The following RRM2 variants were observed in gnomAD, a reference collection of about 807,000 sequenced individuals.
The protein encoded by RRM2 is ribonucleotide reductase regulatory subunit M2.
In RRM2, 6 loss-of-function variants were observed where a neutral mutation model predicts 45.9. That is an observed-to-expected ratio of 0.13 (90% CI 0.07 to 0.26). RRM2 has a LOEUF of 0.26. Among genes scored for constraint, RRM2 ranks in the 10% least tolerant of loss-of-function variants. The pLI is 1.00. For missense variants in RRM2, 343 were observed against 489.5 expected, an observed-to-expected ratio of 0.70 and a Z score of 2.82; for synonymous variants, 177 against 173.0, an observed-to-expected ratio of 1.02 and a Z score of -0.18.
downstream of RRM2, among the ~76,000 whole-genome samples, chr2:10,132,907 C>A (rs530741342): frequency 2.3e-5 from 3 of 131,754 alleles, no homozygotes; most frequent in East Asian, 6.1e-4. Flanking sequence ...AACATGTCTC[C>A]CATGCTGCCC....
chr2:10,146,863 A>G (rs1027577980), intron 3 of RRM2, among the ~76,000 whole-genome samples: 7 of 150,562 alleles, frequency 4.6e-5, no homozygotes, highest in African/African-American at 1.7e-4. Context: ...TTTCTAATCC[A>G]TTTTCACTTT....
chr2:10,149,147 G>A (rs1460362448), intron 3 of RRM2, among the ~76,000 whole-genome samples: 2 of 141,202 alleles, frequency 1.4e-5, no homozygotes, highest in Non-Finnish European at 1.5e-5. Context: ...TTTTTTTTTC[G>A]AGATGGAGTC....
upstream of RRM2, chr2:10,122,603 G>C (rs778424650): frequency 3.1e-5 from 47 of 1,506,406 alleles, no homozygotes; most frequent in African/African-American, 5.3e-4. Context: ...GCCTGGGTAG[G>C]GGCAAGGCGC....
intron 7 of RRM2, 107 bp from the exon 8 acceptor site, chr2:10,128,741 C>T: frequency 1.3e-6 from 1 of 788,764 alleles, no homozygotes; most frequent in Non-Finnish European, 2.2e-6. Context: ...CTCAGTATGG[C>T]TGAGCATGTT....
At chr2:10,168,057 T>C (rs1023792928) in intron 3 of RRM2, among the ~76,000 whole-genome samples, 1 of 143,872 alleles carries the variant, frequency 7.0e-6, no homozygotes, top group Non-Finnish European at 1.5e-5. Flanking sequence ...TTTTTTGCCT[T>C]AAGCAAAAAT....
intron 2 of RRM2, chr2:10,141,995 G>T: frequency 1.3e-6 from 2 of 1,570,358 alleles, no homozygotes; most frequent in South Asian, 1.2e-5. Flanking sequence ...AAGGAAAGCA[G>T]GGAGGAAGGG....
downstream of RRM2, among the ~76,000 whole-genome samples, chr2:10,131,798 A>G (rs1662907047): frequency 6.6e-6 from 1 of 152,204 alleles, no homozygotes; most frequent in African/African-American, 2.4e-5. Context: ...GGTTCTGGGC[A>G]AGAGACTTGC....
downstream of RRM2, among the ~76,000 whole-genome samples, chr2:10,132,972 T>C (rs1255430095): frequency 6.6e-6 from 1 of 152,172 alleles, no homozygotes; most frequent in East Asian, 1.9e-4. Flanking sequence ...TTGCCCTGGG[T>C]ACTCATTAGA....
exon 3 of RRM2, chr2:10,142,340 G>A: frequency 1.4e-6 from 2 of 1,379,980 alleles, no homozygotes; most frequent in South Asian, 1.1e-5. Context: ...TACTCGGGGT[G>A]CGCCAGTGGA....
intron 3 of RRM2, among the ~76,000 whole-genome samples, chr2:10,170,030 C>T (rs894273528): frequency 2.0e-5 from 3 of 152,126 alleles, no homozygotes; most frequent in Non-Finnish European, 2.9e-5. Context: ...CCCTGCTGTC[C>T]CTGAAGGCAG....
chr2:10,159,936 A>G (rs1663520860), intron 3 of RRM2, among the ~76,000 whole-genome samples: 1 of 152,134 alleles, frequency 6.6e-6, no homozygotes, highest in Non-Finnish European at 1.5e-5. Context: ...CCTTGAGGAC[A>G]CAGCTCTGCT....
chr2:10,206,856 A>G (rs1029348019), intron 3 of RRM2, among the ~76,000 whole-genome samples: 1 of 152,232 alleles, frequency 6.6e-6, no homozygotes, highest in Non-Finnish European at 1.5e-5. Context: ...CTGGATACAC[A>G]AAGGAAATTG....
rs551776154 is a variant in RRM2, at chr2:10,122,911, G to A, written c.99+14G>A. The A allele has an allele frequency of 2.3e-4, 365 of 1,568,062 alleles. No homozygotes were observed. Among genetic ancestry groups the A allele is most frequent in the Admixed American group, 3.9e-4 (21 of 53,310 alleles). Reference sequence around the variant, plus strand: ...AAGGAGAACACGGTGAGCCCGCGGGGAGGGCGCTGCGGGCAGGGGAGGGAG... The same window carrying A: ...AAGGAGAACACGGTGAGCCCGCGGGAAGGGCGCTGCGGGCAGGGGAGGGAG... On this transcript the variant is annotated intron_variant, in intron 1 of 9. Transcript: ENST00000304567.
At chr2:10,209,122 A>G (rs1664714925) in intron 3 of RRM2, among the ~76,000 whole-genome samples, 1 of 148,990 alleles carries the variant, frequency 6.7e-6, no homozygotes, top group Admixed American at 6.7e-5. Context: ...CAATGGTGCA[A>G]TCTTGGCTCA....
chr2:10,182,752 T>C (rs1355936742), intron 3 of RRM2, among the ~76,000 whole-genome samples: 1 of 152,216 alleles, frequency 6.6e-6, no homozygotes, highest in African/African-American at 2.4e-5. Flanking sequence ...AAGTCGCTCC[T>C]CTCCCTCCCA....
At chr2:10,196,471 C>G (rs1170918134) in intron 3 of RRM2, among the ~76,000 whole-genome samples, 1 of 152,182 alleles carries the variant, frequency 6.6e-6, no homozygotes, top group Non-Finnish European at 1.5e-5. Flanking sequence ...CACTGCCTGG[C>G]AGTGCCTGGG....
rs987567303 is a variant in RRM2 at position 10,142,234 on chromosome 2, A to T, written n.362-21A>T. ...TGCAGGTCTGCAGACCCAGGTAAAGAGTCTGGATTTCATTTCTAAGGGGAT... is the reference window on the plus strand; with the variant it reads ...TGCAGGTCTGCAGACCCAGGTAAAGTGTCTGGATTTCATTTCTAAGGGGAT... On this transcript the variant is annotated intron_variant and non_coding_transcript_variant, in intron 2 of 3. Transcript: ENST00000381786. 10 of 1,517,834 alleles carry T rather than the reference A, an allele frequency of 6.6e-6. No individual in the cohort carries two copies. In the Admixed American group the frequency reaches 1.8e-4, roughly 27 times the overall value. 94.0% of individuals were successfully genotyped at this position (1,517,834 alleles called of 1,614,324 possible). A position where few individuals can be genotyped will look rare whatever the true frequency, so the allele number is the denominator to read the frequency against.
chr2:10,133,694 GAC>G (rs1162124732), downstream of RRM2, among the ~76,000 whole-genome samples: 5 of 139,332 alleles, frequency 3.6e-5, no homozygotes, highest in African/African-American at 1.4e-4. Context: ...GAGGGAATAT[GAC>G]ATCAGGATTT....
At chr2:10,150,771 GTTTTT>G (rs61292654) in intron 3 of RRM2, among the ~76,000 whole-genome samples, 3 of 92,874 alleles carry the variant, frequency 3.2e-5, no homozygotes, top group African/African-American at 1.2e-4. Context: ...AGTGTGTTGT[GTTTTT>G]TTTTTTTTTT....
Sources: gnomAD v4.1 joint callset for allele counts (sites outside exome capture counted in the v4.1 genomes callset) on GRCh38, gnomAD v4.1.1 for gene constraint, MANE v1.5 for transcripts, NCBI Gene and HGNC (gene_info 2026-07-23, HGNC 2026-07-21) for gene names.